SORCS2: variants seen among roughly 807,000 people sequenced by gnomAD.
SORCS2 encodes sortilin related VPS10 domain containing receptor 2.
Under a neutral mutation model 141.6 loss-of-function variants are expected in SORCS2, and 100 were observed. The observed-to-expected ratio is 0.71, with a 90% CI of 0.60 to 0.83. The LOEUF is 0.83. SORCS2 is among the 40% of genes least tolerant of loss of function. The pLI, the probability that SORCS2 is intolerant of heterozygous loss-of-function variation, is 0.00. For synonymous variants in SORCS2, 789 were observed against 676.9 expected, an observed-to-expected ratio of 1.17 and a Z score of -2.57; for missense variants, 1,646 against 1,560.2, an observed-to-expected ratio of 1.05 and a Z score of -0.93.
intron 2 of SORCS2, among the ~76,000 whole-genome samples, chr4:7,439,543 T>C (rs775035782): frequency 6.6e-6 from 1 of 152,236 alleles, no homozygotes; most frequent in African/African-American, 2.4e-5. Context: ...AGGGGCAGAA[T>C]GGTCCTGAGT....
chr4:7,402,154 C>T (rs1190234863), intron 2 of SORCS2, among the ~76,000 whole-genome samples: 1 of 152,146 alleles, frequency 6.6e-6, no homozygotes, highest in African/African-American at 2.4e-5. Flanking sequence ...CAGCTCAATG[C>T]CTGTAATCTA....
chr4:7,409,187 C>T (rs1428918042), intron 2 of SORCS2, among the ~76,000 whole-genome samples: 1 of 152,198 alleles, frequency 6.6e-6, no homozygotes, highest in Non-Finnish European at 1.5e-5. Flanking sequence ...ATAGTCTTCT[C>T]TGTCTGACTT....
At position 7,286,304 on chromosome 4, in the gene SORCS2, G is replaced by A. The variant is rs552550192; in HGVS notation, c.480+93178G>A. Among the ~76,000 whole-genome samples, 8 of 152,344 alleles carry A rather than the reference G, an allele frequency of 5.3e-5. No homozygotes were observed. The highest frequency in any genetic ancestry group is 2.1e-4 in the South Asian group (1 of 4,828). ...GGGAGCCTGGCCAGCTGGAGCCACC[G>A]CTGGAGAGAGCAGGCCTGTTGTGGG... On this transcript the variant is annotated intron_variant, in intron 1 of 26. Transcript: ENST00000507866. The surrounding 1 kb of genome is among the most constrained non-coding windows in gnomAD (Gnocchi z 4.1).
chr4:7,545,586 T>C (rs1237921468), intron 3 of SORCS2, among the ~76,000 whole-genome samples: 1 of 152,094 alleles, frequency 6.6e-6, no homozygotes, highest in Non-Finnish European at 1.5e-5. Context: ...CAGGGACCCA[T>C]TCAGGATCCC....
chr4:7,394,032 ACCT>A (rs1253782795), intron 1 of SORCS2, among the ~76,000 whole-genome samples: 2 of 150,916 alleles, frequency 1.3e-5, no homozygotes, highest in African/African-American at 4.9e-5. Flanking sequence ...TTCCTGGGCG[ACCT>A]CCTTGTTTCA....
intron 11 of SORCS2, among the ~76,000 whole-genome samples, chr4:7,693,355 T>C (rs914120352): frequency 6.6e-6 from 1 of 152,240 alleles, no homozygotes; most frequent in Non-Finnish European, 1.5e-5. Context: ...TGTGGCCAGC[T>C]GCCTCCCACC....
chr4:7,601,114 A>G (rs552040751), intron 3 of SORCS2, among the ~76,000 whole-genome samples: 60 of 152,234 alleles, frequency 3.9e-4, no homozygotes, highest in African/African-American at 1.4e-3. Flanking sequence ...CTCCTGACCT[A>G]GTCTTTTAGT....
At chr4:7,215,379 G>A (rs1419778631) in intron 1 of SORCS2, among the ~76,000 whole-genome samples, 2 of 152,222 alleles carry the variant, frequency 1.3e-5, no homozygotes, top group East Asian at 1.9e-4. Context: ...GGCAGGGCTC[G>A]GGACCTGCAG....
intron 3 of SORCS2, among the ~76,000 whole-genome samples, chr4:7,615,558 C>G (rs1718704018): frequency 6.6e-6 from 1 of 152,118 alleles, no homozygotes; most frequent in Non-Finnish European, 1.5e-5. Context: ...TCCCCAGTCC[C>G]ACCACCTCCA....
At chr4:7,460,963 C>T (rs73798904) in intron 2 of SORCS2, among the ~76,000 whole-genome samples, 7,344 of 108,450 alleles carry the variant, frequency 0.068, 620 homozygotes, top group African/African-American at 0.23. Flanking sequence ...TTTCATTTCT[C>T]CCCCCTCTCT....
intron 1 of SORCS2, among the ~76,000 whole-genome samples, chr4:7,388,145 C>G (rs572787054): frequency 2.2e-5 from 3 of 135,560 alleles, no homozygotes; most frequent in Non-Finnish European, 4.8e-5. Context: ...TGCACACATG[C>G]GCACAGATGC....
intron 3 of SORCS2, among the ~76,000 whole-genome samples, chr4:7,568,845 T>C (rs1715194982): frequency 6.6e-6 from 1 of 152,196 alleles, no homozygotes; most frequent in South Asian, 2.1e-4. Flanking sequence ...ATCTAGTTCA[T>C]CTCTTCCCGT....
intron 1 of SORCS2, among the ~76,000 whole-genome samples, chr4:7,309,496 C>T (rs1242311415): frequency 2.0e-5 from 3 of 152,158 alleles, no homozygotes; most frequent in South Asian, 4.1e-4. Flanking sequence ...TGGTTGACAC[C>T]GGGCGACACA....
chr4:7,374,129 C>CTCTTTCTTTCTTTCTTTCTT lies in SORCS2; in HGVS notation c.481-22109_481-22090dup, dbSNP rs1162945229. Among the ~76,000 whole-genome samples the CTCTTTCTTTCTTTCTTTCTT allele has an allele frequency of 6.1e-3, 318 of 51,820 alleles. 2 individuals are homozygous for CTCTTTCTTTCTTTCTTTCTT. Among genetic ancestry groups the CTCTTTCTTTCTTTCTTTCTT allele is most frequent in the East Asian group, 0.012 (5 of 434 alleles). The allele number at this position is 51,820 out of a possible 152,430, so 34.0% of individuals were successfully genotyped here. On this transcript the variant is annotated intron_variant, in intron 1 of 26. Transcript: ENST00000507866. ...TGAGATTCTTTCTTTCTTTCTTTCC[C>CTCTTTCTTTCTTTCTTTCTT]TCTTTCTTTCTTTCTTTCTTTCTTT...
intron 14 of SORCS2, among the ~76,000 whole-genome samples, chr4:7,706,361 G>A (rs1200873352): frequency 1.9e-5 from 2 of 102,906 alleles, no homozygotes; most frequent in Admixed American, 9.9e-5. Context: ...GTCTGGGCAG[G>A]GATGAGGCTG....
At chr4:7,224,522 A>C (rs1319793941) in intron 1 of SORCS2, among the ~76,000 whole-genome samples, 2 of 152,226 alleles carry the variant, frequency 1.3e-5, no homozygotes, top group African/African-American at 4.8e-5. Flanking sequence ...CCTGTGACCC[A>C]TGGTGGTCCA....
chr4:7,208,082 G>T (rs753759309), intron 1 of SORCS2, among the ~76,000 whole-genome samples: 22 of 151,970 alleles, frequency 1.4e-4, no homozygotes, highest in Non-Finnish European at 2.6e-4. Flanking sequence ...GCCTATGAAG[G>T]CAAAGAAGAT....
intron 3 of SORCS2, among the ~76,000 whole-genome samples, chr4:7,632,068 C>G (rs938341417): frequency 2.0e-5 from 3 of 152,178 alleles, no homozygotes; most frequent in African/African-American, 7.2e-5. Context: ...ACTTTTCCCA[C>G]CTGAGAAATG....
intron 3 of SORCS2, among the ~76,000 whole-genome samples, chr4:7,588,682 A>G (rs1204628433): frequency 6.6e-6 from 1 of 152,130 alleles, no homozygotes; most frequent in Non-Finnish European, 1.5e-5. Flanking sequence ...GGAAAACTGG[A>G]GTTGGACATA....
Sources: allele counts gnomAD v4.1 joint callset (sites outside exome capture counted in the v4.1 genomes callset), GRCh38; gene constraint gnomAD v4.1.1; non-coding constraint Gnocchi (gnomAD v3.1); transcripts MANE v1.5; gene names NCBI Gene and HGNC (gene_info 2026-07-23, HGNC 2026-07-21).